UBR4: variants seen among roughly 807,000 people sequenced by gnomAD.
UBR4 encodes ubiquitin protein ligase E3 component n-recognin 4, also known as E3 ubiquitin-protein ligase UBR4.
A neutral mutation model predicts 575.6 loss-of-function variants in UBR4; 124 were observed. The ratio of observed to expected loss-of-function variants is 0.22; its 90% CI spans 0.19 to 0.25. The LOEUF (loss-of-function observed/expected upper bound fraction) is 0.25. UBR4 is among the 10% of genes least tolerant of loss of function. The pLI is 1.00. For missense variants in UBR4, 4,818 were observed against 6,478.8 expected (o/e 0.74, Z 8.80); for synonymous variants, 2,455 against 2,473.7 (o/e 0.99, Z 0.22).
chr1:19,168,331 G>C, intron 27 of UBR4, 147 bp from the exon 28 acceptor site: 2 of 704,448 alleles, frequency 2.8e-6, no homozygotes, highest in African/African-American at 3.7e-5. Context: ...ATTCATGCTG[G>C]GAAGGGAAGT....
rs1451788622 is a variant in UBR4, at chr1:19,150,861, C to A, written c.7214-68G>T. ...AAAGCCACCCCTCCAAAGCAAAGAC[C>A]AGAACAGTTGGAGCAAAGAAGTAAA... On this transcript the variant is annotated intron_variant, in intron 48 of 105. Coordinates refer to ENST00000375254, the MANE Select transcript of UBR4 (RefSeq NM_020765.3). 4 of 1,503,706 alleles carry A rather than the reference C, an allele frequency of 2.7e-6. No homozygotes were observed. The Admixed American group carries it at 7.0e-5, about 26-fold the overall frequency. The allele number at this position is 1,503,706 out of a possible 1,614,324, so 93.1% of individuals were successfully genotyped here.
At chr1:19,121,159 T>A in intron 68 of UBR4, 30 bp downstream of exon 68, 2 of 1,608,174 alleles carry the variant, frequency 1.2e-6, no homozygotes. Flanking sequence ...TACATCATTG[T>A]AGTCACAATG....
At chr1:19,199,500 T>C (rs111839628) in intron 3 of UBR4, 151 bp downstream of exon 3, 5 of 639,126 alleles carry the variant, frequency 7.8e-6, no homozygotes, top group African/African-American at 7.3e-5. Flanking sequence ...TAAAAAGGCA[T>C]AGTTAACTAG....
At chr1:19,121,509 C>A in intron 67 of UBR4, 75 bp from the exon 68 acceptor site, 1 of 1,539,358 alleles carries the variant, frequency 6.5e-7, no homozygotes, top group East Asian at 2.3e-5. Context: ...ACAACGTCTC[C>A]CTACAGCTGA....
chr1:19,127,319 T>C (rs2081929222), intron 63 of UBR4, among the ~76,000 whole-genome samples: 1 of 152,172 alleles, frequency 6.6e-6, no homozygotes, highest in South Asian at 2.1e-4. Context: ...TATAGCAACA[T>C]ACACTAGGGG....
intron 73 of UBR4, among the ~76,000 whole-genome samples, chr1:19,116,768 A>G (rs2080587720): frequency 6.6e-6 from 1 of 152,244 alleles, no homozygotes; most frequent in African/African-American, 2.4e-5. Flanking sequence ...GAGAAAAGGC[A>G]CCATGTGGAA....
At chr1:19,135,867 T>C (rs1157364577) in intron 60 of UBR4, among the ~76,000 whole-genome samples, 1 of 152,132 alleles carries the variant, frequency 6.6e-6, no homozygotes, top group Non-Finnish European at 1.5e-5. Flanking sequence ...CAAAGACTAC[T>C]AAGCAAAATA....
At chr1:19,206,162 G>A (rs2092995489) in intron 1 of UBR4, among the ~76,000 whole-genome samples, 1 of 152,176 alleles carries the variant, frequency 6.6e-6, no homozygotes, top group Non-Finnish European at 1.5e-5. Flanking sequence ...AAGTAACAGT[G>A]TTAAAAAAGA....
At chr1:19,104,731 C>G in intron 85 of UBR4, 65 bp from the exon 86 acceptor site, 1 of 1,522,480 alleles carries the variant, frequency 6.6e-7, no homozygotes, top group East Asian at 2.3e-5. Flanking sequence ...ACCTCCACCA[C>G]TGTCCCAGGA....
In UBR4 at chr1:19,150,274, T is replaced by C. The variant is rs1022866530; in HGVS notation, c.7430+303A>G. 6.6e-5 allele frequency among the ~76,000 whole-genome samples: 10 copies of C among 152,280 alleles called. No homozygotes were observed. The East Asian group carries it at 1.9e-3, about 29-fold the overall frequency. On this transcript the variant is annotated intron_variant, in intron 49 of 105. Transcript: ENST00000375254. ...AGCAAGCCTGGATCCTAATCTAGAA[T>C]ACTGGCTTGAGCATCGTCTAGCCTG... is the stretch of plus-strand genomic sequence containing the variant.
intron 75 of UBR4, among the ~76,000 whole-genome samples, chr1:19,114,316 C>T (rs1314573947): frequency 6.6e-6 from 1 of 152,204 alleles, no homozygotes; most frequent in African/African-American, 2.4e-5. Flanking sequence ...CTAGGTTACA[C>T]AAGTATTAAA....
rs2078479705 is a variant in UBR4, at chr1:19,100,124, C to T, written c.13221+252G>A. The T allele has an allele frequency of 1.9e-6, 1 of 527,684 alleles. No individual in the cohort carries two copies. Among genetic ancestry groups the T allele is most frequent in the Non-Finnish European group, 3.3e-6 (1 of 298,740 alleles). The allele number at this position is 527,684 out of a possible 1,614,324, so 32.7% of individuals were successfully genotyped here. On this transcript the variant is annotated intron_variant, in intron 89 of 105. Transcript: ENST00000375254. The surrounding 1 kb of genome is among the most constrained non-coding windows in gnomAD (Gnocchi z 4.2). ...AATAACGATAATAAATACCCACCACCACTACAACCAACAGCCATTAACAAT... is the reference window on the plus strand; with the variant it reads ...AATAACGATAATAAATACCCACCACTACTACAACCAACAGCCATTAACAAT...
At chr1:19,131,724 T>G (rs1310893840) in intron 60 of UBR4, among the ~76,000 whole-genome samples, 1 of 152,126 alleles carries the variant, frequency 6.6e-6, no homozygotes, top group Non-Finnish European at 1.5e-5. Context: ...AAATACAAAA[T>G]TAGCCGGGCG....
chr1:19,102,297 G>A (rs1264380838), intron 87 of UBR4, among the ~76,000 whole-genome samples: 2 of 152,074 alleles, frequency 1.3e-5, no homozygotes, highest in East Asian at 1.9e-4. Context: ...CCCAGAAGGC[G>A]GAGGTTACAG....
intron 1 of UBR4, among the ~76,000 whole-genome samples, chr1:19,203,395 C>T (rs374728262): frequency 6.6e-6 from 1 of 151,508 alleles, no homozygotes. Flanking sequence ...CAGCTACTCA[C>T]GAGGCTGAGG....
At position 19,160,294 on chromosome 1, in the gene UBR4, G is replaced by GA. The variant is rs781778266; in HGVS notation, c.5407-14dup. 96 of 1,423,220 alleles carry GA rather than the reference G, an allele frequency of 6.7e-5. No individual in the cohort carries two copies. The highest frequency in any genetic ancestry group is 8.9e-5 in the Non-Finnish European group (96 of 1,080,434). 88.2% of individuals were successfully genotyped at this position (1,423,220 alleles called of 1,614,324 possible). A position where few individuals can be genotyped will look rare whatever the true frequency, so the allele number is the denominator to read the frequency against. On this transcript the variant is annotated splice_polypyrimidine_tract_variant and intron_variant, in intron 38 of 105. Coordinates refer to ENST00000375254, the MANE Select transcript of UBR4 (RefSeq NM_020765.3). The stretch of plus-strand genomic sequence containing the variant: ...AGGAGAAATTGGCCTGAGAAAAATA[G>GA]AAAAAATACACCAGTGAAAAAAAAA...
In UBR4 at chr1:19,104,020, G is replaced by A. The variant is rs893772406; in HGVS notation, c.12901+64C>T. On this transcript the variant is annotated intron_variant, in intron 87 of 105. Transcript: ENST00000375254. ...TCTGTGGAACTGGGGGAAATTGGTC[G>A]AATGCACCTCGGCAGCCCCAGAAGG... 20 of 1,557,760 alleles carry A rather than the reference G, an allele frequency of 1.3e-5. No homozygotes were observed. The African/African-American group carries it at 1.5e-4, about 12-fold the overall frequency.
intron 11 of UBR4, among the ~76,000 whole-genome samples, chr1:19,190,854 G>T (rs1399572771): frequency 6.6e-6 from 1 of 152,116 alleles, no homozygotes; most frequent in Non-Finnish European, 1.5e-5. Flanking sequence ...CTTATGCCCT[G>T]CAGTCTATCC....
intron 90 of UBR4, among the ~76,000 whole-genome samples, chr1:19,098,001 A>G (rs2078225493): frequency 6.6e-6 from 1 of 152,234 alleles, no homozygotes; most frequent in African/African-American, 2.4e-5. Flanking sequence ...TCTGGCACTG[A>G]GCACATATAT....
Sources: gnomAD v4.1 joint callset for allele counts (sites outside exome capture counted in the v4.1 genomes callset) on GRCh38, gnomAD v4.1.1 for gene constraint, Gnocchi (gnomAD v3.1) non-coding constraint, MANE v1.5 for transcripts, NCBI Gene and HGNC (gene_info 2026-07-23, HGNC 2026-07-21) for gene names.